DRC8: variants seen among roughly 807,000 people sequenced by gnomAD.
The protein encoded by DRC8 is dynein regulatory complex protein 8.
chr1:245,030,305 C>CT, the DRC8 span, among the ~76,000 whole-genome samples: 3 of 152,088 alleles, frequency 2.0e-5, no homozygotes, highest in African/African-American at 7.2e-5. Context: ...ACCAAATATT[C>CT]TTTAAGTTTT....
At chr1:245,034,486 A>G in the DRC8 span, among the ~76,000 whole-genome samples, 1 of 151,106 alleles carries the variant, frequency 6.6e-6, no homozygotes, top group Admixed American at 6.6e-5. Flanking sequence ...CTGTAATCCC[A>G]TCTACTTGGG....
At chr1:245,084,742 C>A in the DRC8 span, among the ~76,000 whole-genome samples, 2 of 152,110 alleles carry the variant, frequency 1.3e-5, no homozygotes, top group African/African-American at 4.8e-5. Flanking sequence ...TCACTTGAGG[C>A]AGAATGAAAA....
chr1:244,979,684 C>A, the DRC8 span, among the ~76,000 whole-genome samples: 1 of 151,652 alleles, frequency 6.6e-6, no homozygotes, highest in African/African-American at 2.4e-5. Context: ...TCATGTGATC[C>A]GCCCACCTTG....
At chr1:245,028,006 C>T in the DRC8 span, among the ~76,000 whole-genome samples, 1 of 152,210 alleles carries the variant, frequency 6.6e-6, no homozygotes, top group East Asian at 1.9e-4. Flanking sequence ...ATCCTCCTGC[C>T]TCAGCCTCCT....
the DRC8 span, among the ~76,000 whole-genome samples, chr1:244,975,407 G>A: frequency 6.6e-6 from 1 of 152,194 alleles, no homozygotes; most frequent in South Asian, 2.1e-4. Context: ...TCTTCCCCAA[G>A]CTCTAATTAT....
the DRC8 span, among the ~76,000 whole-genome samples, chr1:244,999,224 C>T: frequency 2.7e-5 from 4 of 150,912 alleles, no homozygotes; most frequent in Non-Finnish European, 5.9e-5. Context: ...CTTTAAGCCT[C>T]CTGAAAAAAA....
chr1:245,044,340 A>G, the DRC8 span, among the ~76,000 whole-genome samples: 1 of 152,230 alleles, frequency 6.6e-6, no homozygotes, highest in Non-Finnish European at 1.5e-5. Context: ...CTTTTTGCCT[A>G]TGAGGAGCCA....
At chr1:244,979,407 G>A in the DRC8 span, among the ~76,000 whole-genome samples, 1 of 144,256 alleles carries the variant, frequency 6.9e-6, no homozygotes, top group African/African-American at 2.6e-5. Flanking sequence ...CTGGGTTCAA[G>A]CGATTCTTAT....
At chr1:245,103,095 A>G in the DRC8 span, among the ~76,000 whole-genome samples, 74 of 139,012 alleles carry the variant, frequency 5.3e-4, no homozygotes, top group Non-Finnish European at 8.0e-4. Flanking sequence ...GTGGTCCTCT[A>G]TGGTCAGGAG....
At chr1:245,119,989 C>A in the DRC8 span, among the ~76,000 whole-genome samples, 3 of 151,686 alleles carry the variant, frequency 2.0e-5, no homozygotes, top group African/African-American at 7.3e-5. Flanking sequence ...AGGAACTGAA[C>A]CCAGTGGATA....
the DRC8 span, among the ~76,000 whole-genome samples, chr1:245,113,867 G>A: frequency 6.6e-6 from 1 of 152,186 alleles, no homozygotes; most frequent in Admixed American, 6.6e-5. Flanking sequence ...TAAGGGCATG[G>A]TACTAGCAAG....
At chr1:244,981,524 C>T in the DRC8 span, among the ~76,000 whole-genome samples, 4 of 152,236 alleles carry the variant, frequency 2.6e-5, no homozygotes, top group South Asian at 6.2e-4. Context: ...CTCTGTTACC[C>T]GCTTTCCACA....
the DRC8 span, among the ~76,000 whole-genome samples, chr1:245,002,613 G>T: frequency 6.7e-6 from 1 of 149,186 alleles, no homozygotes; most frequent in South Asian, 2.1e-4. Context: ...TGACTTCCCA[G>T]GCTCAAGCCA....
chr1:245,106,012 G>A, the DRC8 span, among the ~76,000 whole-genome samples: 3 of 152,166 alleles, frequency 2.0e-5, no homozygotes, highest in Admixed American at 6.5e-5. Flanking sequence ...CCAGGAGTTC[G>A]AGGCTGCAGT....
the DRC8 span, among the ~76,000 whole-genome samples, chr1:244,985,498 G>A: frequency 1.3e-5 from 2 of 152,224 alleles, no homozygotes; most frequent in African/African-American, 2.4e-5. Context: ...GGTGCTAGAT[G>A]TTGGGGAATA....
the DRC8 span, among the ~76,000 whole-genome samples, chr1:245,088,939 T>G: frequency 6.6e-6 from 1 of 152,278 alleles, no homozygotes; most frequent in African/African-American, 2.4e-5. The surrounding 1 kb of genome is among the most constrained non-coding windows in gnomAD (Gnocchi z 4.6). Context: ...ACAGGAGCGG[T>G]ATCATTAAGG....
the DRC8 span, among the ~76,000 whole-genome samples, chr1:244,987,286 C>T: frequency 1.3e-4 from 19 of 151,836 alleles, no homozygotes; most frequent in Non-Finnish European, 2.9e-5. Context: ...CTACAACCTC[C>T]ACCTCCCGGG....
At chr1:245,051,079 A>G in the DRC8 span, among the ~76,000 whole-genome samples, 153 of 152,224 alleles carry the variant, frequency 1.0e-3, 1 homozygote, top group African/African-American at 3.5e-3. Context: ...CATGTTGTCC[A>G]GGCCACCTTC....
the DRC8 span, among the ~76,000 whole-genome samples, chr1:245,014,665 G>A: frequency 6.6e-6 from 1 of 152,032 alleles, no homozygotes; most frequent in East Asian, 1.9e-4. Flanking sequence ...GAGGTGAGGT[G>A]GGGTGGGGTG....
Sources: gnomAD v4.1 joint callset for allele counts (sites outside exome capture counted in the v4.1 genomes callset) on GRCh38, gnomAD v4.1.1 for gene constraint, Gnocchi (gnomAD v3.1) non-coding constraint, MANE v1.5 for transcripts, NCBI Gene and HGNC (gene_info 2026-07-23, HGNC 2026-07-21) for gene names.